Variants in GLIS1 observed in about 807,000 individuals in gnomAD.
GLIS1 encodes GLIS family zinc finger 1.
Under a neutral mutation model 63.8 loss-of-function variants are expected in GLIS1, and 24 were observed. The ratio of observed to expected loss-of-function variants is 0.38; its 90% CI spans 0.27 to 0.53. GLIS1 has a LOEUF of 0.53. GLIS1 is among the 20% of genes least tolerant of loss of function. The pLI is 0.85. For synonymous variants in GLIS1, 450 were observed against 482.5 expected (o/e 0.93, Z 0.88); for missense variants, 1,036 against 1,074.1 (o/e 0.96, Z 0.50).
chr1:53,582,785 TG>T (rs775092904), intron 4 of GLIS1, among the ~76,000 whole-genome samples: 70 of 152,350 alleles, frequency 4.6e-4, no homozygotes, highest in Non-Finnish European at 9.0e-4. Context: ...ATCCTCTCTA[TG>T]GGCCTCAGTT....
At chr1:53,569,225 C>T (rs1644961707) in intron 4 of GLIS1, among the ~76,000 whole-genome samples, 1 of 152,174 alleles carries the variant, frequency 6.6e-6, no homozygotes, top group Non-Finnish European at 1.5e-5. Flanking sequence ...ATGGTAGATA[C>T]ATGTCATTAT....
intron 4 of GLIS1, among the ~76,000 whole-genome samples, chr1:53,584,625 G>T (rs771589073): frequency 1.3e-5 from 2 of 152,206 alleles, no homozygotes; most frequent in Non-Finnish European, 2.9e-5. Flanking sequence ...GTGGCCAGGT[G>T]GGGGTGGACA....
chr1:53,629,503 G>A (rs1386675486), intron 2 of GLIS1, among the ~76,000 whole-genome samples: 4 of 152,164 alleles, frequency 2.6e-5, no homozygotes, highest in African/African-American at 9.7e-5. Context: ...TCGAGAACAG[G>A]ACTTGATCCA....
At position 53,639,299 on chromosome 1, in the gene GLIS1, C is replaced by T. The variant is rs906385642; in HGVS notation, c.260-39021G>A. ...GGCATATCCAGAAAGTGCCAGTGGGCTCCACCAGTCCCACCCTCGTTCGGA... is the reference window on the plus strand; with the variant it reads ...GGCATATCCAGAAAGTGCCAGTGGGTTCCACCAGTCCCACCCTCGTTCGGA... On this transcript the variant is annotated intron_variant, in intron 2 of 10. Coordinates refer to ENST00000628545, the MANE Select transcript of GLIS1 (RefSeq NM_001367484.1). This position sits in a 1 kb window ranked among gnomAD's most constrained non-coding sequence, Gnocchi z 4.6. 1.3e-5 allele frequency among the ~76,000 whole-genome samples: 2 copies of T among 152,088 alleles called. No individual in the cohort carries two copies. Among genetic ancestry groups the T allele is most frequent in the Non-Finnish European group, 2.9e-5 (2 of 68,008 alleles).
chr1:53,662,496 T>C (rs938858233), intron 2 of GLIS1, among the ~76,000 whole-genome samples: 7 of 152,118 alleles, frequency 4.6e-5, no homozygotes, highest in African/African-American at 1.7e-4. Flanking sequence ...ATGAGGGCTG[T>C]TCTCCCATCT....
chr1:53,522,193 A>G (rs1482662535), intron 6 of GLIS1, among the ~76,000 whole-genome samples: 1 of 152,286 alleles, frequency 6.6e-6, no homozygotes, highest in Admixed American at 6.5e-5. Context: ...ATTAAGGAAG[A>G]AAAGCATTTC....
At chr1:53,530,842 C>T (rs969972625) in intron 4 of GLIS1, among the ~76,000 whole-genome samples, 28 of 152,244 alleles carry the variant, frequency 1.8e-4, no homozygotes, top group Admixed American at 9.8e-4. Flanking sequence ...TGATGAGCTG[C>T]TCCTTCCGAC....
At position 53,539,860 on chromosome 1, in the gene GLIS1, C is replaced by G. The variant is rs1467433656; in HGVS notation, c.1321-9908G>C. 6.6e-6 allele frequency among the ~76,000 whole-genome samples: 1 copy of G among 151,552 alleles called. No homozygotes were observed. The highest frequency in any genetic ancestry group is 6.6e-5 in the Admixed American group (1 of 15,234). The stretch of plus-strand genomic sequence containing the variant: ...GGCTGGCCTGGCCTGGCCTTGGGGA[C>G]AGCATGCATAGCCTGAGAGATCTCC... On this transcript the variant is annotated intron_variant, in intron 4 of 10. Transcript: ENST00000628545. The surrounding 1 kb of genome is among the most constrained non-coding windows in gnomAD (Gnocchi z 5.0).
chr1:53,667,351 G>A (rs1251675438), intron 2 of GLIS1, among the ~76,000 whole-genome samples: 1 of 152,192 alleles, frequency 6.6e-6, no homozygotes, highest in African/African-American at 2.4e-5. Context: ...GCACACACTG[G>A]TTTCACAGTT....
At chr1:53,731,446 C>T (rs1265086990) in intron 2 of GLIS1, among the ~76,000 whole-genome samples, 2 of 152,178 alleles carry the variant, frequency 1.3e-5, no homozygotes, top group Non-Finnish European at 2.9e-5. Flanking sequence ...TCCTTGGGGG[C>T]GCGCAGCTCT....
intron 7 of GLIS1, among the ~76,000 whole-genome samples, chr1:53,520,127 T>G (rs1644391192): frequency 6.6e-6 from 1 of 152,086 alleles, no homozygotes; most frequent in African/African-American, 2.4e-5. Flanking sequence ...TGCTCAGCAC[T>G]GGGGCAGAGC....
In GLIS1 at chr1:53,551,604, C is replaced by T. The variant is rs147712026; in HGVS notation, c.1321-21652G>A. On this transcript the variant is annotated intron_variant, in intron 4 of 10. Transcript: ENST00000628545. ...GTCCTGGGGAACCAACAAGAAGCCC[C>T]GCGAAGGGGCTGCCTTTCTCAGGGC... 7.4e-4 allele frequency among the ~76,000 whole-genome samples: 113 copies of T among 152,246 alleles called. 1 individual carries two copies. In the East Asian group the frequency reaches 0.02, roughly 27 times the overall value.
chr1:53,612,302 C>T (rs1041384215), intron 2 of GLIS1, among the ~76,000 whole-genome samples: 13 of 152,102 alleles, frequency 8.5e-5, no homozygotes, highest in African/African-American at 1.9e-4. Context: ...TGCAGTGGCG[C>T]GATCTCGGCT....
intron 2 of GLIS1, among the ~76,000 whole-genome samples, chr1:53,608,851 T>A (rs2100568021): frequency 6.6e-6 from 1 of 152,212 alleles, no homozygotes; most frequent in East Asian, 1.9e-4. Flanking sequence ...TAAGGCAAGC[T>A]GGCTTAATTA....
intron 2 of GLIS1, among the ~76,000 whole-genome samples, chr1:53,686,173 C>T (rs992125612): frequency 6.6e-5 from 10 of 152,184 alleles, no homozygotes; most frequent in African/African-American, 1.4e-4. Context: ...TGTTTCCCCA[C>T]GGAGCGGAGC....
intron 2 of GLIS1, among the ~76,000 whole-genome samples, chr1:53,662,903 C>A (rs1329079744): frequency 6.6e-6 from 1 of 152,230 alleles, no homozygotes; most frequent in East Asian, 1.9e-4. Context: ...ACACTGTACA[C>A]CCCCATTTTA....
chr1:53,737,907 A>G lies in GLIS1; in HGVS notation c.158T>C (p.Leu53Pro), dbSNP rs982933621. Reference sequence around the variant, plus strand: ...TGGCGGCGCAGGCGGCCGGGCTAGCAGGTCCCGCGGGCCCCTGTCCCCGCA... The same window carrying G: ...TGGCGGCGCAGGCGGCCGGGCTAGCGGGTCCCGCGGGCCCCTGTCCCCGCA... ...GGCGDRGPRDLLARPPAPPPR... is the reference protein window; with the variant it reads ...GGCGDRGPRDPLARPPAPPPR... The change falls in exon 2 of 11, where the codon CTG (leucine) becomes CCG (proline). Residue 53 changes from leucine (L) to proline (P), a missense_variant. By Grantham distance (98) the Leu-to-Pro change is moderately conservative. Coordinates refer to ENST00000628545, the MANE Select transcript of GLIS1 (RefSeq NM_001367484.1). 8.1e-6 allele frequency: 10 copies of G among 1,230,226 alleles called. No individual in the cohort carries two copies. Among genetic ancestry groups the G allele is most frequent in the Non-Finnish European group, 1.0e-5 (10 of 987,022 alleles). The allele number at this position is 1,230,226 out of a possible 1,614,324, so 76.2% of individuals were successfully genotyped here.
intron 4 of GLIS1, among the ~76,000 whole-genome samples, chr1:53,587,585 A>G (rs1265604030): frequency 6.6e-6 from 1 of 152,172 alleles, no homozygotes; most frequent in East Asian, 1.9e-4. Flanking sequence ...TGAGAGTGAA[A>G]TGTTTTACTT....
intron 4 of GLIS1, among the ~76,000 whole-genome samples, chr1:53,552,059 C>T (rs1051647480): frequency 2.6e-5 from 4 of 152,066 alleles, no homozygotes; most frequent in Admixed American, 6.6e-5. Flanking sequence ...AACAGCATCC[C>T]CCAGATCCAG....
Sources: gnomAD v4.1 joint callset for allele counts (sites outside exome capture counted in the v4.1 genomes callset) on GRCh38, gnomAD v4.1.1 for gene constraint, Gnocchi (gnomAD v3.1) non-coding constraint, MANE v1.5 for transcripts, NCBI Gene and HGNC (gene_info 2026-07-23, HGNC 2026-07-21) for gene names.